RNF213: variants seen among roughly 807,000 people sequenced by gnomAD.
RNF213 encodes the protein ring finger protein 213.
Under a neutral mutation model 514.4 loss-of-function variants are expected in RNF213, and 341 were observed. That is an observed-to-expected ratio of 0.66 (90% confidence interval 0.61 to 0.73). The LOEUF is 0.73. Among genes scored for constraint, RNF213 ranks in the 30% least tolerant of loss-of-function variants. The probability of loss-of-function intolerance (pLI) is 0.00; values close to 1 mark genes in which losing one functional copy is unlikely to be tolerated. For synonymous variants in RNF213, 2,655 were observed against 2,658.2 expected (o/e 1.00, Z 0.04); for missense variants, 5,767 against 6,615.6 (o/e 0.87, Z 4.45).
intron 3 of RNF213, among the ~76,000 whole-genome samples, chr17:80,287,408 G>A (rs1022893915): frequency 6.6e-6 from 1 of 152,206 alleles, no homozygotes; most frequent in African/African-American, 2.4e-5. Context: ...GAGGTTGATG[G>A]GGGAGGATCA....
At chr17:80,321,999 C>T (rs1003053851) in intron 17 of RNF213, among the ~76,000 whole-genome samples, 2 of 152,180 alleles carry the variant, frequency 1.3e-5, no homozygotes, top group Admixed American at 6.5e-5. Flanking sequence ...GCTGGGATTA[C>T]AGGCGTGAGC....
At chr17:80,294,341 G>T (rs879739987) in intron 8 of RNF213, among the ~76,000 whole-genome samples, 45 of 152,290 alleles carry the variant, frequency 3.0e-4, no homozygotes, top group Non-Finnish European at 6.2e-4. Flanking sequence ...ACTTGCTAGT[G>T]GGGGGATGCG....
chr17:80,382,224 G>A (rs2080038993), intron 57 of RNF213: 1 of 158,066 alleles, frequency 6.3e-6, no homozygotes, highest in Non-Finnish European at 1.4e-5. Context: ...TATTCACTGA[G>A]CTAACTTTCT....
At position 80,270,434 on chromosome 17, in the gene RNF213, C is replaced by G. The variant is rs1486230866; in HGVS notation, c.98-2807C>G. ...TTTACAATGCAAATCTCTTCAAATC[C>G]CCTGCACAAAGCTTCTCTGGCCACT... On this transcript the variant is annotated intron_variant, in intron 2 of 67. Coordinates refer to ENST00000582970, the MANE Select transcript of RNF213 (RefSeq NM_001256071.3). 2.0e-5 allele frequency among the ~76,000 whole-genome samples: 3 copies of G among 152,216 alleles called. No individual in the cohort carries two copies. The East Asian group carries it at 5.8e-4, about 29-fold the overall frequency.
At chr17:80,376,840 A>G (rs1439083166) in intron 52 of RNF213, 42 bp from the exon 53 acceptor site, 1 of 1,555,926 alleles carries the variant, frequency 6.4e-7, no homozygotes, top group South Asian at 1.1e-5. Flanking sequence ...CCAGGTGACA[A>G]GCTCACTTAT....
At chr17:80,324,828 A>G (rs1402162950) in intron 17 of RNF213, among the ~76,000 whole-genome samples, 3 of 152,198 alleles carry the variant, frequency 2.0e-5, no homozygotes, top group African/African-American at 4.8e-5. Flanking sequence ...CTGGTGCTGG[A>G]CACTTAAGGA....
Position 80,364,552 on chromosome 17 carries a change from A to G in RNF213, c.11870A>G (p.Lys3957Arg), listed in dbSNP as rs2079183803. The change falls in exon 42 of 68, where the codon AAG (lysine) becomes AGG (arginine). Residue 3957 changes from lysine to arginine, a missense_variant and splice_region_variant. By Grantham distance (26) the Lys-to-Arg change is conservative. Around this residue, in one of 13 missense-constraint regions of RNF213, gnomAD observed 355 missense variants for 358.0 expected, o/e 0.99. Transcript: ENST00000582970. ...ACCGAGCACGTCTTCTTACTAGACA[A>G]GGTGAGTACTTGGGCTGGCCTCAGC... ...LVTEHVFLLD[K>R]CLRENSDVKT... The G allele has an allele frequency of 1.2e-6, 2 of 1,614,162 alleles. No individual in the cohort carries two copies. The highest frequency in any genetic ancestry group is 1.7e-6 in the Non-Finnish European group (2 of 1,180,014).
At chr17:80,364,708 T>C in intron 42 of RNF213, 155 bp downstream of exon 42, 1 of 819,102 alleles carries the variant, frequency 1.2e-6, no homozygotes, top group Non-Finnish European at 2.0e-6. Context: ...ACTAGGCCAT[T>C]ACATTTTCCA....
chr17:80,281,526 TGC>T (rs2044287548), intron 3 of RNF213, among the ~76,000 whole-genome samples: 11 of 24,830 alleles, frequency 4.4e-4, no homozygotes, highest in East Asian at 1.4e-3. Context: ...AACACACACA[TGC>T]CCCACTCATA....
chr17:80,355,282 G>A (rs1427274195), intron 36 of RNF213: 2 of 455,984 alleles, frequency 4.4e-6, no homozygotes, highest in Non-Finnish European at 4.4e-6. Flanking sequence ...CTACAGCCAG[G>A]TGTGATCTGC....
intron 15 of RNF213, chr17:80,315,533 A>G (rs1434595123): frequency 2.1e-4 from 1 of 4,756 alleles, no homozygotes; most frequent in Non-Finnish European, 4.8e-4. Flanking sequence ...TGGTGGAGGT[A>G]CTGGAGGTGA....
chr17:80,290,810 TTTG>T, intron 7 of RNF213, 82 bp downstream of exon 7: 2 of 1,531,850 alleles, frequency 1.3e-6, no homozygotes. Context: ...TTAAAAAAAT[TTTG>T]TTTTTTTTTT....
At chr17:80,312,953 C>T in intron 14 of RNF213, 59 bp from the exon 15 acceptor site, 2 of 1,601,442 alleles carry the variant, frequency 1.2e-6, no homozygotes, top group East Asian at 2.2e-5. Context: ...TGCAGCATCT[C>T]GCCGGGAACC....
chr17:80,338,933 G>A (rs2078066574), intron 25 of RNF213, among the ~76,000 whole-genome samples: 1 of 148,438 alleles, frequency 6.7e-6, no homozygotes, highest in Non-Finnish European at 1.5e-5. Context: ...GGGCAACAAT[G>A]CAAGACTCCA....
chr17:80,283,844 A>G (rs1013790431), intron 3 of RNF213, among the ~76,000 whole-genome samples: 2 of 152,336 alleles, frequency 1.3e-5, no homozygotes, highest in African/African-American at 4.8e-5. Context: ...CGAAGCTGCT[A>G]GAGCATCCAT....
intron 57 of RNF213, chr17:80,382,085 G>A: frequency 3.1e-6 from 1 of 321,368 alleles, no homozygotes; most frequent in Middle Eastern, 1.1e-3. Context: ...CCCCTACCAT[G>A]CTGGGAGCAC....
Position 80,353,871 on chromosome 17 carries a change from G to A in RNF213, c.10579-148G>A. On this transcript the variant is annotated intron_variant, in intron 34 of 67. Coordinates refer to ENST00000582970, the MANE Select transcript of RNF213 (RefSeq NM_001256071.3). This position sits in a 1 kb window ranked among gnomAD's most constrained non-coding sequence, Gnocchi z 5.0. ...CTGCACCGGCAGTTTGGGGGGTGCAGGGCGGAGGTCGGCGTCTCTTCTTTG... is the reference window on the plus strand; with the variant it reads ...CTGCACCGGCAGTTTGGGGGGTGCAAGGCGGAGGTCGGCGTCTCTTCTTTG... 1 of 1,222,386 alleles carries A rather than the reference G, an allele frequency of 8.2e-7. No individual in the cohort carries two copies. The highest frequency in any genetic ancestry group is 1.2e-6 in the Non-Finnish European group (1 of 852,516). The allele number at this position is 1,222,386 out of a possible 1,614,324, so 75.7% of individuals were successfully genotyped here.
chr17:80,273,023 C>G (rs2043878149), intron 2 of RNF213, among the ~76,000 whole-genome samples: 1 of 152,126 alleles, frequency 6.6e-6, no homozygotes, highest in African/African-American at 2.4e-5. Context: ...GTCTTTCTGT[C>G]TGATTCACCC....
intron 3 of RNF213, among the ~76,000 whole-genome samples, chr17:80,281,093 C>T (rs1184413923): frequency 2.1e-5 from 3 of 146,036 alleles, no homozygotes; most frequent in Non-Finnish European, 3.0e-5. Context: ...CACACATACC[C>T]CACTCACACA....
Sources: gnomAD v4.1 joint callset for allele counts (sites outside exome capture counted in the v4.1 genomes callset) on GRCh38, gnomAD v4.1.1 for gene constraint, gnomAD v4.1.1 regional missense constraint, Gnocchi (gnomAD v3.1) non-coding constraint, MANE v1.5 for transcripts, NCBI Gene and HGNC (gene_info 2026-07-23, HGNC 2026-07-21) for gene names.